The following ZC3H14 variants were observed in gnomAD, a reference collection of about 807,000 sequenced individuals.
The protein encoded by ZC3H14 is zinc finger CCCH domain-containing protein 14.
ZC3H14 carries 31 observed loss-of-function variants against 92.4 expected under a neutral mutation model. The observed-to-expected ratio is 0.34, with a 90% CI of 0.25 to 0.45. ZC3H14 has a LOEUF of 0.45. ZC3H14 is among the 20% of genes least tolerant of loss of function. The pLI, the probability that ZC3H14 is intolerant of heterozygous loss-of-function variation, is 1.00. For missense variants in ZC3H14, 781 were observed against 897.3 expected, an observed-to-expected ratio of 0.87 and a Z score of 1.66; for synonymous variants, 321 against 300.9, an observed-to-expected ratio of 1.07 and a Z score of -0.69.
intron 9 of ZC3H14, among the ~76,000 whole-genome samples, chr14:88,581,288 G>A (rs978504707): frequency 1.3e-5 from 2 of 152,158 alleles, no homozygotes; most frequent in Admixed American, 1.3e-4. Context: ...GCTGGGTGCA[G>A]TTGCTCACGC....
intron 10 of ZC3H14, among the ~76,000 whole-genome samples, chr14:88,597,038 A>C (rs1184242017): frequency 6.6e-6 from 1 of 152,128 alleles, no homozygotes; most frequent in African/African-American, 2.4e-5. Flanking sequence ...CACCATTCCA[A>C]GTGTGTCCCT....
At chr14:88,582,960 T>C (rs907478615) in intron 9 of ZC3H14, among the ~76,000 whole-genome samples, 14 of 152,116 alleles carry the variant, frequency 9.2e-5, no homozygotes, top group Admixed American at 3.9e-4. Context: ...TTATTTTTAC[T>C]AGCGCACCCA....
In ZC3H14 at chr14:88,615,637, T is replaced by C. The variant is rs760068564; in HGVS notation, c.*3886T>C. 2.2e-5 allele frequency: 13 copies of C among 586,528 alleles called. No individual in the cohort carries two copies. The highest frequency in any genetic ancestry group is 3.9e-5 in the Non-Finnish European group (13 of 336,704). The allele number at this position is 586,528 out of a possible 1,614,324, so 36.3% of individuals were successfully genotyped here. A position where few individuals can be genotyped will look rare whatever the true frequency, so the allele number is the denominator to read the frequency against. ...CTGGCAGTGTATGGATTACGGATTA[T>C]ACCCAGTGCATATAGCAAATATTTT... On this transcript the variant is annotated 3_prime_UTR_variant, in exon 17 of 17. Coordinates refer to ENST00000251038, the MANE Select transcript of ZC3H14 (RefSeq NM_024824.5).
rs1259692991 is a variant in ZC3H14 at position 88,564,585 on chromosome 14, T to A, written c.79+892T>A. On this transcript the variant is annotated intron_variant, in intron 2 of 16. Coordinates refer to ENST00000251038, the MANE Select transcript of ZC3H14 (RefSeq NM_024824.5). Reference sequence around the variant, plus strand: ...TTTCATATTAATACTAAGATGGTATTTGTTATTTTTCACTGTGGTGGTGGT... The same window carrying A: ...TTTCATATTAATACTAAGATGGTATATGTTATTTTTCACTGTGGTGGTGGT... Among the ~76,000 whole-genome samples the A allele has an allele frequency of 2.0e-5, 3 of 152,172 alleles. No homozygotes were observed. The East Asian group carries it at 5.8e-4, about 29-fold the overall frequency.
At chr14:88,563,628 C>T (rs2079176903) in intron 1 of ZC3H14, 23 bp from the exon 2 acceptor site, 1 of 1,613,726 alleles carries the variant, frequency 6.2e-7, no homozygotes, top group South Asian at 1.1e-5. Context: ...TTCTCACATG[C>T]ACGTTTGCTC....
At chr14:88,603,521 A>C (rs2084925811) in intron 12 of ZC3H14, among the ~76,000 whole-genome samples, 1 of 152,230 alleles carries the variant, frequency 6.6e-6, no homozygotes, top group East Asian at 1.9e-4. Context: ...GGAACTGTTT[A>C]AATTAATGTT....
chr14:88,597,301 G>GGGCT (rs2140000372), intron 10 of ZC3H14, among the ~76,000 whole-genome samples: 1 of 152,192 alleles, frequency 6.6e-6, no homozygotes, highest in Admixed American at 6.5e-5. Context: ...CACATGCCAG[G>GGGCT]GGCTACTCCA....
At position 88,568,165 on chromosome 14, in the gene ZC3H14, A is replaced by G. The variant is rs1393448853; in HGVS notation, c.194+12A>G. 6.2e-7 allele frequency: 1 copy of G among 1,611,738 alleles called. No individual in the cohort carries two copies. Among genetic ancestry groups the G allele is most frequent in the South Asian group, 1.1e-5 (1 of 90,882 alleles). On this transcript the variant is annotated intron_variant, in intron 3 of 16. Coordinates refer to ENST00000251038, the MANE Select transcript of ZC3H14 (RefSeq NM_024824.5). ...CGATTCACCGTATGGTATGTTTCTG[A>G]ATTTTTGTGCCTCAGACCAAAGTTT...
At position 88,612,725 on chromosome 14, in the gene ZC3H14, C is replaced by T. The variant is rs771333779; in HGVS notation, c.*974C>T. On this transcript the variant is annotated 3_prime_UTR_variant, in exon 17 of 17. Transcript: ENST00000251038. ...AGAACTATAATTACAGAGATCAGAT[C>T]AGATAGGTAAACTGCAAGATAGATA... is the stretch of plus-strand genomic sequence containing the variant. The T allele has an allele frequency of 4.6e-5, 7 of 152,494 alleles. No individual in the cohort carries two copies. The highest frequency in any genetic ancestry group is 7.2e-5 in the African/African-American group (3 of 41,414). 9.4% of individuals were successfully genotyped at this position (152,494 alleles called of 1,614,324 possible).
chr14:88,573,253 G>A (rs1296666805), intron 6 of ZC3H14, among the ~76,000 whole-genome samples: 4 of 151,708 alleles, frequency 2.6e-5, no homozygotes, highest in Non-Finnish European at 2.9e-5. Context: ...GGTGGCAGGC[G>A]CCTGTAGTCC....
chr14:88,576,614 T>C (rs1350011340), intron 8 of ZC3H14, among the ~76,000 whole-genome samples: 1 of 152,230 alleles, frequency 6.6e-6, no homozygotes, highest in Non-Finnish European at 1.5e-5. Context: ...CGACCTGTTG[T>C]AGCCAATGTG....
chr14:88,578,435 T>A (rs766741663), intron 9 of ZC3H14, among the ~76,000 whole-genome samples: 1 of 152,204 alleles, frequency 6.6e-6, no homozygotes, highest in Non-Finnish European at 1.5e-5. Flanking sequence ...TGTGTGCCAC[T>A]GCACCCAGCC....
In ZC3H14 at chr14:88,618,851, G is replaced by C. The variant is rs1263627837; in HGVS notation, c.*7100G>C. The C allele has an allele frequency of 1.3e-6, 2 of 1,526,524 alleles. No homozygotes were observed. The highest frequency in any genetic ancestry group is 1.8e-6 in the Non-Finnish European group (2 of 1,136,854). The allele number at this position is 1,526,524 out of a possible 1,614,324, so 94.6% of individuals were successfully genotyped here. ...AAACGTAAAAAGTATTAGACCACAT[G>C]AAGTATTATAAATACTTAAGATCAG... On this transcript the variant is annotated 3_prime_UTR_variant, in exon 17 of 17. Transcript: ENST00000251038.
At chr14:88,601,816 T>C (rs960705256) in intron 10 of ZC3H14, 108 bp from the exon 11 acceptor site, 39 of 1,326,284 alleles carry the variant, frequency 2.9e-5, no homozygotes, top group Non-Finnish European at 3.8e-5. Flanking sequence ...GATTTTCCTT[T>C]GAAATAATTT....
At chr14:88,590,737 C>G (rs1809651687) in intron 9 of ZC3H14, 1 of 152,234 alleles carries the variant, frequency 6.6e-6, no homozygotes, top group African/African-American at 2.4e-5. Context: ...CCTTCCCCGT[C>G]TCAACAGAGT....
rs1339351894 is a variant in ZC3H14, at chr14:88,625,526, C to G, written c.*13775C>G. The G allele has an allele frequency of 6.5e-6, 1 of 154,890 alleles. No homozygotes were observed. Among genetic ancestry groups the G allele is most frequent in the East Asian group, 1.9e-4 (1 of 5,230 alleles). The allele number at this position is 154,890 out of a possible 1,614,324, so 9.6% of individuals were successfully genotyped here. On this transcript the variant is annotated 3_prime_UTR_variant, in exon 17 of 17. Transcript: ENST00000251038. Reference sequence around the variant, plus strand: ...AAGTGATTCTCCTGTCTCAGCCTCCCAAGTAGCTGGGATTACAAGCGCCAG... The same window carrying G: ...AAGTGATTCTCCTGTCTCAGCCTCCGAAGTAGCTGGGATTACAAGCGCCAG...
intron 9 of ZC3H14, chr14:88,595,205 A>G (rs1007084062): frequency 2.6e-6 from 4 of 1,550,500 alleles, no homozygotes; most frequent in East Asian, 4.5e-5. Context: ...GGAGGGAGCA[A>G]GTTACAGAGA....
At chr14:88,594,666 AATT>A (rs2083562923) in intron 9 of ZC3H14, 4 of 1,611,608 alleles carry the variant, frequency 2.5e-6, no homozygotes, top group Non-Finnish European at 3.4e-6. Flanking sequence ...GTGAAGAAAA[AATT>A]ATCAGATTTT....
intron 9 of ZC3H14, among the ~76,000 whole-genome samples, chr14:88,584,431 CATCT>C (rs1435903490): frequency 6.6e-6 from 1 of 152,190 alleles, no homozygotes; most frequent in Non-Finnish European, 1.5e-5. Context: ...AAAACATACA[CATCT>C]ATTATGAAGT....
Sources: allele counts gnomAD v4.1 joint callset (sites outside exome capture counted in the v4.1 genomes callset), GRCh38; gene constraint gnomAD v4.1.1; transcripts MANE v1.5; gene names NCBI Gene and HGNC (gene_info 2026-07-23, HGNC 2026-07-21).